Variants in CAMTA1 observed in about 807,000 individuals in gnomAD.
The protein encoded by CAMTA1 is calmodulin binding transcription activator 1.
Under a neutral mutation model 170.9 loss-of-function variants are expected in CAMTA1, and 27 were observed. The ratio of observed to expected loss-of-function variants is 0.16; its 90% CI spans 0.12 to 0.22. The LOEUF (loss-of-function observed/expected upper bound fraction) is 0.22, where lower values mean the gene tolerates loss of function less well. Among genes scored for constraint, CAMTA1 ranks in the 10% least tolerant of loss-of-function variants. The pLI is 1.00. For missense variants in CAMTA1, 1,619 were observed against 2,217.2 expected, an observed-to-expected ratio of 0.73 and a Z score of 5.42; for synonymous variants, 833 against 891.5, an observed-to-expected ratio of 0.93 and a Z score of 1.17.
chr1:7,551,931 G>C (rs2094808288), intron 6 of CAMTA1, among the ~76,000 whole-genome samples: 1 of 152,224 alleles, frequency 6.6e-6, no homozygotes, highest in South Asian at 2.1e-4. Context: ...GGACTCCAGT[G>C]TAGACCTCAG....
chr1:7,030,265 T>C (rs1702601698), intron 3 of CAMTA1, among the ~76,000 whole-genome samples: 1 of 152,228 alleles, frequency 6.6e-6, no homozygotes, highest in South Asian at 2.1e-4. Context: ...TATCCTTTTT[T>C]CAAGGGGATA....
intron 3 of CAMTA1, among the ~76,000 whole-genome samples, chr1:6,947,634 G>A (rs1023864119): frequency 6.6e-6 from 1 of 150,992 alleles, no homozygotes; most frequent in African/African-American, 2.4e-5. Context: ...CCACCACCTC[G>A]GCCTCCCAAA....
At position 7,310,724 on chromosome 1, in the gene CAMTA1, T is replaced by C. The variant is rs186587114; in HGVS notation, c.438+61098T>C. 6.3e-3 allele frequency among the ~76,000 whole-genome samples: 656 copies of C among 103,658 alleles called. 74 individuals are homozygous for C. The highest frequency in any genetic ancestry group is 0.024 in the African/African-American group (537 of 22,442). 68.0% of individuals were successfully genotyped at this position (103,658 alleles called of 152,430 possible). A position where few individuals can be genotyped will look rare whatever the true frequency, so the allele number is the denominator to read the frequency against. ...TCTCTTTCTTTCTTTCTTTCTTTCT[T>C]TCTTTCTTTCTTTCTTTCTTTTTTT... is the stretch of plus-strand genomic sequence containing the variant. On this transcript the variant is annotated intron_variant, in intron 5 of 22. Coordinates refer to ENST00000303635, the MANE Select transcript of CAMTA1 (RefSeq NM_015215.4).
At chr1:7,179,843 G>A (rs1242542219) in intron 4 of CAMTA1, among the ~76,000 whole-genome samples, 1 of 151,802 alleles carries the variant, frequency 6.6e-6, no homozygotes, top group Non-Finnish European at 1.5e-5. Context: ...AGAAACACAA[G>A]GTAAACCAAA....
chr1:7,484,979 A>C (rs1001972383), intron 6 of CAMTA1, among the ~76,000 whole-genome samples: 1 of 152,106 alleles, frequency 6.6e-6, no homozygotes, highest in East Asian at 1.9e-4. Context: ...ATTCACAGCC[A>C]AAGACCTTGG....
chr1:7,256,325 C>T (rs537176679), intron 5 of CAMTA1, among the ~76,000 whole-genome samples: 34 of 151,986 alleles, frequency 2.2e-4, no homozygotes, highest in African/African-American at 7.0e-4. Context: ...TTTGGGAGGC[C>T]GAGGCAGGCG....
In CAMTA1 at chr1:6,896,283, T is replaced by C. The variant is rs569887118; in HGVS notation, c.234+71073T>C. 5.9e-5 allele frequency among the ~76,000 whole-genome samples: 9 copies of C among 152,268 alleles called. No homozygotes were observed. The East Asian group carries it at 1.7e-3, about 29-fold the overall frequency. On this transcript the variant is annotated intron_variant, in intron 3 of 22. Coordinates refer to ENST00000303635, the MANE Select transcript of CAMTA1 (RefSeq NM_015215.4). ...GTTCACCCCAAATGAGATGAAAATATAATTTCCTAGCATTCTTGGTCCATA... is the reference window on the plus strand; with the variant it reads ...GTTCACCCCAAATGAGATGAAAATACAATTTCCTAGCATTCTTGGTCCATA...
chr1:7,073,192 A>G (rs189624616), intron 3 of CAMTA1, among the ~76,000 whole-genome samples: 15 of 152,318 alleles, frequency 9.8e-5, no homozygotes, highest in African/African-American at 2.2e-4. Context: ...ATGTCTGGCC[A>G]GAGTCACTGG....
chr1:6,916,375 A>T (rs1328702928), intron 3 of CAMTA1, among the ~76,000 whole-genome samples: 1 of 152,148 alleles, frequency 6.6e-6, no homozygotes, highest in Non-Finnish European at 1.5e-5. Context: ...CCGCCGGCCG[A>T]GTTCCTGTAA....
intron 5 of CAMTA1, among the ~76,000 whole-genome samples, chr1:7,304,613 G>GTTTTTT (rs1675307231): frequency 6.8e-6 from 1 of 147,188 alleles, no homozygotes; most frequent in Non-Finnish European, 1.5e-5. Flanking sequence ...TTTTTTTTTA[G>GTTTTTT]GTCTGACATA....
rs1304771143 is a variant in CAMTA1 at position 7,103,893 on chromosome 1, AAC to A, written c.302+12528_302+12529del. Among the ~76,000 whole-genome samples the A allele has an allele frequency of 9.4e-4, 141 of 150,126 alleles. 1 individual carries two copies. The highest frequency in any genetic ancestry group is 1.8e-3 in the Admixed American group (27 of 15,086). Reference sequence around the variant, plus strand: ...CACACAACTACACACATGTACACACAACACACAACTACACGCGCACTCACACA... The same window carrying A: ...CACACAACTACACACATGTACACACAACACAACTACACGCGCACTCACACA... On this transcript the variant is annotated intron_variant, in intron 4 of 22. Transcript: ENST00000303635.
chr1:7,421,589 T>C (rs2091561165), intron 5 of CAMTA1, among the ~76,000 whole-genome samples: 1 of 152,242 alleles, frequency 6.6e-6, no homozygotes. Flanking sequence ...AGTTTCTTCC[T>C]GTAGGAACTG....
chr1:7,747,819 C>T, intron 19 of CAMTA1, 38 bp downstream of exon 19: 2 of 1,479,262 alleles, frequency 1.4e-6, no homozygotes, highest in Non-Finnish European at 9.4e-7. Context: ...GAAACTGTGC[C>T]CCACCCAAGG....
In CAMTA1 at chr1:7,641,219, C is replaced by T. The variant is rs972734906; in HGVS notation, c.664+666C>T. Among the ~76,000 whole-genome samples, 2 of 152,184 alleles carry T rather than the reference C, an allele frequency of 1.3e-5. No homozygotes were observed. The highest frequency in any genetic ancestry group is 6.5e-5 in the Admixed American group (1 of 15,274). ...GTGGCTTCTCCTGCCCCCTGTTCAG[C>T]GGGGCTCGGGAAAAACAAACATGGG... On this transcript the variant is annotated intron_variant, in intron 7 of 22. Coordinates refer to ENST00000303635, the MANE Select transcript of CAMTA1 (RefSeq NM_015215.4). This position sits in a 1 kb window ranked among gnomAD's most constrained non-coding sequence, Gnocchi z 4.5.
intron 6 of CAMTA1, among the ~76,000 whole-genome samples, chr1:7,552,508 G>T (rs753283884): frequency 1.3e-5 from 2 of 152,238 alleles, no homozygotes; most frequent in Non-Finnish European, 2.9e-5. Context: ...GACACACAGG[G>T]GTGGGACAGG....
At chr1:7,564,387 A>G (rs1052283214) in intron 6 of CAMTA1, among the ~76,000 whole-genome samples, 4 of 152,220 alleles carry the variant, frequency 2.6e-5, no homozygotes, top group Admixed American at 2.6e-4. Context: ...GTTATAGTGA[A>G]CCCTGAAAAT....
At position 7,160,076 on chromosome 1, in the gene CAMTA1, C is replaced by T. The variant is rs1171420407; in HGVS notation, c.302+68705C>T. Among the ~76,000 whole-genome samples, 3 of 151,972 alleles carry T rather than the reference C, an allele frequency of 2.0e-5. No individual in the cohort carries two copies. The East Asian group carries it at 5.8e-4, about 30-fold the overall frequency. ...ACCAGCCTGGCCAGCATGGCAAAACCCCATCTCTACTAAAATACAAAAATT... is the reference window on the plus strand; with the variant it reads ...ACCAGCCTGGCCAGCATGGCAAAACTCCATCTCTACTAAAATACAAAAATT... On this transcript the variant is annotated intron_variant, in intron 4 of 22. Transcript: ENST00000303635.
intron 3 of CAMTA1, among the ~76,000 whole-genome samples, chr1:6,898,080 C>T (rs1424584606): frequency 6.6e-6 from 1 of 152,184 alleles, no homozygotes; most frequent in Non-Finnish European, 1.5e-5. Context: ...TGCTAACCTG[C>T]AGTTTCTTAT....
intron 5 of CAMTA1, among the ~76,000 whole-genome samples, chr1:7,402,923 G>A (rs997866431): frequency 2.0e-5 from 3 of 152,214 alleles, no homozygotes; most frequent in African/African-American, 7.2e-5. Context: ...CGCGGGACTC[G>A]CATCCATTCA....
Sources: allele counts gnomAD v4.1 joint callset (sites outside exome capture counted in the v4.1 genomes callset), GRCh38; gene constraint gnomAD v4.1.1; non-coding constraint Gnocchi (gnomAD v3.1); transcripts MANE v1.5; gene names NCBI Gene and HGNC (gene_info 2026-07-23, HGNC 2026-07-21).